Variants in TMEM132A observed in about 807,000 individuals in gnomAD.
TMEM132A encodes transmembrane protein 132A.
TMEM132A carries 48 observed loss-of-function variants against 69.9 expected under a neutral mutation model. That is an observed-to-expected ratio of 0.69 (90% CI 0.55 to 0.87). TMEM132A has a LOEUF of 0.87. Ranked by LOEUF, TMEM132A falls within the 40% of genes least tolerant of loss-of-function variation. The pLI is 0.00. For synonymous variants in TMEM132A, 577 were observed against 613.7 expected (o/e 0.94, Z 0.88); for missense variants, 1,287 against 1,407.2 (o/e 0.91, Z 1.37).
In TMEM132A at chr11:60,924,590, G is replaced by T. The variant is rs111498695; in HGVS notation, c.-44G>T. 7.7e-3 allele frequency: 11,629 copies of T among 1,508,372 alleles called. 470 individuals are homozygous for T. The African/African-American group carries it at 0.096, about 12-fold the overall frequency. 93.4% of individuals were successfully genotyped at this position (1,508,372 alleles called of 1,614,324 possible). A position where few individuals can be genotyped will look rare whatever the true frequency, so the allele number is the denominator to read the frequency against. On this transcript the variant is annotated 5_prime_UTR_variant, in exon 1 of 11. Coordinates refer to ENST00000453848, the MANE Select transcript of TMEM132A (RefSeq NM_178031.3). ...TGCGGGAGATGCCGTGCGGGACTGG[G>T]GCCACCTGAGCCGCCCGCCTCGTCC...
Position 60,937,064 on chromosome 11 carries a change from C to T in TMEM132A, c.*157C>T. On this transcript the variant is annotated 3_prime_UTR_variant, in exon 11 of 11. Coordinates refer to ENST00000453848, the MANE Select transcript of TMEM132A (RefSeq NM_178031.3). ...TCCCATCCAGGCCCCCTCTGCCCTG[C>T]CCCTTGTCATGGACCATGGTCGTGA... 7 of 1,319,672 alleles carry T rather than the reference C, an allele frequency of 5.3e-6. 1 individual carries two copies. In the South Asian group the frequency reaches 9.1e-5, roughly 17 times the overall value. The allele number at this position is 1,319,672 out of a possible 1,614,324, so 81.7% of individuals were successfully genotyped here.
intron 3 of TMEM132A, 111 bp downstream of exon 3, chr11:60,927,970 C>T (rs1856390683): frequency 2.3e-6 from 2 of 855,836 alleles, no homozygotes; most frequent in Non-Finnish European, 3.5e-6. Flanking sequence ...GGGTTGTGGA[C>T]CACCCGACTC....
intron 5 of TMEM132A, among the ~76,000 whole-genome samples, chr11:60,931,111 A>T (rs917883579): frequency 6.6e-6 from 1 of 152,204 alleles, no homozygotes; most frequent in Non-Finnish European, 1.5e-5. Context: ...TCTGGTTCTG[A>T]TGCTTTTGGG....
Position 60,931,722 on chromosome 11 carries a change from C to T in TMEM132A, c.1050C>T (p.Asp350=). The T allele has an allele frequency of 6.2e-7, 1 of 1,614,036 alleles. No individual in the cohort carries two copies. The highest frequency in any genetic ancestry group is 2.2e-5 in the East Asian group (1 of 44,888). Residue 350 remains aspartate, a synonymous_variant, in exon 6 of 11, where the codon GAC becomes GAT. Transcript: ENST00000453848. ...PLELSEFLWV[D]FVVENSTGGG... ...AACTGTCTGAGTTCCTATGGGTGGA[C>T]TTTGTGGTGGAGAATAGCACTGGTG... is the stretch of plus-strand genomic sequence containing the variant.
intron 7 of TMEM132A, chr11:60,933,095 T>A (rs1236029604): frequency 6.4e-6 from 1 of 156,468 alleles, no homozygotes; most frequent in Non-Finnish European, 1.4e-5. Context: ...CAACATGCAT[T>A]CCAGTGACAC....
Position 60,937,119 on chromosome 11 carries a change from A to G in TMEM132A, c.*212A>G. ...GGGCTCATGCCCCTTATTTATGGGA[A>G]CCATTTCATTCTAACAGAATAAACC... On this transcript the variant is annotated 3_prime_UTR_variant, in exon 11 of 11. Transcript: ENST00000453848. 1 of 1,498,870 alleles carries G rather than the reference A, an allele frequency of 6.7e-7. No homozygotes were observed. Among genetic ancestry groups the G allele is most frequent in the South Asian group, 1.3e-5 (1 of 76,250 alleles). 92.8% of individuals were successfully genotyped at this position (1,498,870 alleles called of 1,614,324 possible).
Position 60,935,412 on chromosome 11 carries a change from G to A in TMEM132A, c.1997G>A (p.Trp666Ter), listed in dbSNP as rs767699902. Residue 666 changes from tryptophan (W) to a stop codon, truncating the protein, a stop_gained, in exon 10 of 11, where the codon TGG becomes TAG. Transcript: ENST00000453848. LOFTEE classifies it high-confidence loss of function. The surrounding 1 kb of genome is among the most constrained non-coding windows in gnomAD (Gnocchi z 5.0). ...CCCGGGGAGGTCACAGCTACGTGCT[G>A]GGCACAGTCAGCCCTTCCCGCCCCA... The part of the protein sequence containing the change: ...AHPGEVTATC[W>*]AQSALPAPKQ... 4 of 1,609,966 alleles carry A rather than the reference G, an allele frequency of 2.5e-6. No individual in the cohort carries two copies. In the South Asian group the frequency reaches 3.3e-5, roughly 13 times the overall value.
Position 60,936,201 on chromosome 11 carries a change from C to T in TMEM132A, c.2366C>T (p.Ala789Val). The T allele has an allele frequency of 1.2e-6, 2 of 1,614,072 alleles. No individual in the cohort carries two copies. Among genetic ancestry groups the T allele is most frequent in the Non-Finnish European group, 1.7e-6 (2 of 1,179,972 alleles). ...GCTTGGAGCCCACCAGCCACAGAAG[C>T]CACCATGGGTGGTAAACGGCAGGTG... is the stretch of plus-strand genomic sequence containing the variant. The part of the protein sequence containing the change: ...SPAWSPPATE[A>V]TMGGKRQVAG... The change falls in exon 11 of 11, where the codon GCC becomes GTC. Residue 789 changes from alanine (A) to valine (V), a missense_variant. Physicochemically the swap from Ala to Val is moderately conservative, Grantham distance 64. Transcript: ENST00000453848.
In TMEM132A at chr11:60,936,969, C is replaced by G. The variant is rs985768602; in HGVS notation, c.*62C>G. On this transcript the variant is annotated 3_prime_UTR_variant, in exon 11 of 11. Coordinates refer to ENST00000453848, the MANE Select transcript of TMEM132A (RefSeq NM_178031.3). ...AACGAGGGTGGAGGTCCCACTGAGC[C>G]TCTCGCCTGCCCCCGCCACTCGTCT... is the stretch of plus-strand genomic sequence containing the variant. 7.2e-7 allele frequency: 1 copy of G among 1,386,338 alleles called. No homozygotes were observed. The highest frequency in any genetic ancestry group is 1.5e-5 in the African/African-American group (1 of 68,760). The allele number at this position is 1,386,338 out of a possible 1,614,324, so 85.9% of individuals were successfully genotyped here. A position where few individuals can be genotyped will look rare whatever the true frequency, so the allele number is the denominator to read the frequency against.
rs1856400673 is a variant in TMEM132A, at chr11:60,928,579, C to T, written c.535-50C>T. ...GCCATGGGTGCTGAGAATCCTGTTC[C>T]TCGCCCTGCACCCACCCCCATGCCA... On this transcript the variant is annotated intron_variant, in intron 3 of 10. Coordinates refer to ENST00000453848, the MANE Select transcript of TMEM132A (RefSeq NM_178031.3). The T allele has an allele frequency of 3.9e-6, 6 of 1,542,906 alleles. No individual in the cohort carries two copies. In the East Asian group the frequency reaches 1.3e-4, roughly 35 times the overall value.
rs1006291089 is a variant in TMEM132A, at chr11:60,934,386, T to C, written c.1560-102T>C. On this transcript the variant is annotated intron_variant, in intron 8 of 10. Coordinates refer to ENST00000453848, the MANE Select transcript of TMEM132A (RefSeq NM_178031.3). ...TTGAGAAACAGGAGCTGCTGGTGAT[T>C]AGGAGCCGCCGGGGACGAGCTGCGG... 5.4e-6 allele frequency: 6 copies of C among 1,107,372 alleles called. No homozygotes were observed. In the Admixed American group the frequency reaches 1.3e-4, roughly 24 times the overall value. 68.6% of individuals were successfully genotyped at this position (1,107,372 alleles called of 1,614,324 possible).
In TMEM132A at chr11:60,934,741, G is replaced by A. The variant is rs777518210; in HGVS notation, c.1813G>A (p.Glu605Lys). 1.9e-6 allele frequency: 3 copies of A among 1,603,856 alleles called. No individual in the cohort carries two copies. The East Asian group carries it at 6.7e-5, about 36-fold the overall frequency. Residue 605 changes from glutamate to lysine, a missense_variant, in exon 9 of 11, where the codon GAG (glutamate) becomes AAG (lysine). Physicochemically the swap from Glu to Lys is moderately conservative, Grantham distance 56 (BLOSUM62 1). Coordinates refer to ENST00000453848, the MANE Select transcript of TMEM132A (RefSeq NM_178031.3). ...GGGTGGCCGTGTCGTGGTGGGCCGG[G>A]AGCCCGGTGTCACCTCCATTGAGGT... ...LEGGRVVVGR[E>K]PGVTSIEVRS...
Position 60,933,965 on chromosome 11 carries a change from CCGTAGCACCCTCCA to C in TMEM132A, c.1559+223_1559+236del, listed in dbSNP as rs573747624. 771 of 579,284 alleles carry C rather than the reference CCGTAGCACCCTCCA, an allele frequency of 1.3e-3. 4 individuals are homozygous for C. Among genetic ancestry groups the C allele is most frequent in the Middle Eastern group, 5.0e-3 (11 of 2,216 alleles). 35.9% of individuals were successfully genotyped at this position (579,284 alleles called of 1,614,324 possible). On this transcript the variant is annotated intron_variant, in intron 8 of 10. Transcript: ENST00000453848. The stretch of plus-strand genomic sequence containing the variant: ...CTCCTCCTTCCCTGCCTCACTTCTC[CCGTAGCACCCTCCA>C]CTTCCTAATCTACGTCAGTACTGGT...
At chr11:60,931,414 G>T (rs1029915275) in intron 5 of TMEM132A, among the ~76,000 whole-genome samples, 1 of 152,154 alleles carries the variant, frequency 6.6e-6, no homozygotes, top group African/African-American at 2.4e-5. Context: ...GGCAGGCAGG[G>T]GAGTGAGCCA....
rs766449546 is a variant in TMEM132A, at chr11:60,935,205, C to T, written c.1837-47C>T. On this transcript the variant is annotated intron_variant, in intron 9 of 10. Coordinates refer to ENST00000453848, the MANE Select transcript of TMEM132A (RefSeq NM_178031.3). The surrounding 1 kb of genome is among the most constrained non-coding windows in gnomAD (Gnocchi z 5.0). ...GCACCCGGTTCCCTCTGGGTGGGGGCTGTCTGTATGGAAGGCCCCCCACCT... is the reference window on the plus strand; with the variant it reads ...GCACCCGGTTCCCTCTGGGTGGGGGTTGTCTGTATGGAAGGCCCCCCACCT... 7 of 1,536,602 alleles carry T rather than the reference C, an allele frequency of 4.6e-6. No individual in the cohort carries two copies. The Admixed American group carries it at 9.6e-5, about 21-fold the overall frequency.
chr11:60,935,939 C>A lies in TMEM132A; in HGVS notation c.2104C>A (p.Leu702Met). 6.2e-7 allele frequency: 1 copy of A among 1,611,984 alleles called. No individual in the cohort carries two copies. Among genetic ancestry groups the A allele is most frequent in the Non-Finnish European group, 8.5e-7 (1 of 1,179,996 alleles). ...APAELYDRRD[L>M]GLSVSAEEPG... ...AGCTGAGCTCTACGACCGCCGTGAC[C>A]TGGGACTGTCCGTCTCAGCCGAGGA... Residue 702 changes from leucine (L) to methionine (M), a missense_variant, in exon 11 of 11, where the codon CTG becomes ATG. Leu to Met is a conservative substitution (Grantham distance 15). Transcript: ENST00000453848. The surrounding 1 kb of genome is among the most constrained non-coding windows in gnomAD (Gnocchi z 5.0).
rs986376500 is a variant in TMEM132A at position 60,927,757 on chromosome 11, C to T, written c.432C>T (p.His144=). 38 of 1,613,294 alleles carry T rather than the reference C, an allele frequency of 2.4e-5. No individual in the cohort carries two copies. The highest frequency in any genetic ancestry group is 3.3e-5 in the Admixed American group (2 of 60,012). The change falls in exon 3 of 11, where the codon CAC becomes CAT. Residue 144 remains histidine (H), a synonymous_variant. Coordinates refer to ENST00000453848, the MANE Select transcript of TMEM132A (RefSeq NM_178031.3). The part of the protein sequence containing the change: ...PAEPYARVLF[H]LKGQDWPPGS... ...AGCCCTACGCCCGGGTTCTCTTCCACCTCAAAGGGCAGGATTGGCCACCAG... is the reference window on the plus strand; with the variant it reads ...AGCCCTACGCCCGGGTTCTCTTCCATCTCAAAGGGCAGGATTGGCCACCAG...
Position 60,933,678 on chromosome 11 carries a change from G to C in TMEM132A, c.1493G>C (p.Arg498Pro). 6.2e-7 allele frequency: 1 copy of C among 1,604,690 alleles called. No individual in the cohort carries two copies. Among genetic ancestry groups the C allele is most frequent in the Non-Finnish European group, 8.5e-7 (1 of 1,178,098 alleles). ...LTVWAPLLPL[R>P]IELTDTTLEQ... is the part of the protein sequence containing the mutation. ...GTGTGGGCCCCCCTGCTACCGCTGC[G>C]TATCGAGCTCACCGACACCACCCTC... The change falls in exon 8 of 11, where the codon CGT (arginine) becomes CCT (proline). Residue 498 changes from arginine (R) to proline (P), a missense_variant. By Grantham distance (103) the Arg-to-Pro change is moderately radical. Transcript: ENST00000453848.
intron 7 of TMEM132A, 41 bp downstream of exon 7, chr11:60,932,168 G>A: frequency 6.6e-7 from 1 of 1,513,318 alleles, no homozygotes; most frequent in Non-Finnish European, 8.8e-7. Context: ...CTGCATTTGT[G>A]TGGGCACAGT....
Sources: gnomAD v4.1 joint callset for allele counts (sites outside exome capture counted in the v4.1 genomes callset) on GRCh38, gnomAD v4.1.1 for gene constraint, Gnocchi (gnomAD v3.1) non-coding constraint, MANE v1.5 for transcripts, NCBI Gene and HGNC (gene_info 2026-07-23, HGNC 2026-07-21) for gene names.